Variants in CDH12 observed in about 807,000 individuals in gnomAD.
The protein encoded by CDH12 is cadherin 12, also known as cadherin-12.
CDH12 carries 41 observed loss-of-function variants against 74.1 expected under a neutral mutation model. That is an observed-to-expected ratio of 0.55 (90% CI 0.43 to 0.72). The LOEUF (loss-of-function observed/expected upper bound fraction) is 0.72, where lower values mean the gene tolerates loss of function less well. Among genes scored for constraint, CDH12 ranks in the 30% least tolerant of loss-of-function variants. CDH12 has a pLI of 0.00. For missense variants in CDH12, 945 were observed against 977.2 expected (o/e 0.97, Z 0.44); for synonymous variants, 399 against 355.0 (o/e 1.12, Z -1.39).
intron 1 of CDH12, among the ~76,000 whole-genome samples, chr5:22,622,253 G>A (rs1286456237): frequency 6.6e-6 from 1 of 152,082 alleles, no homozygotes; most frequent in Non-Finnish European, 1.5e-5. Context: ...AAGAGAACTT[G>A]AAAATGGCTG....
chr5:22,752,821 G>A (rs1745664969), intron 1 of CDH12, among the ~76,000 whole-genome samples: 2 of 151,500 alleles, frequency 1.3e-5, no homozygotes, highest in Non-Finnish European at 2.9e-5. Flanking sequence ...TGATCCGCCC[G>A]CCTCGGCCTC....
rs1172963951 is a variant in CDH12 at position 21,817,131 on chromosome 5, G to T, written c.816C>A (p.Ser272Arg). 6.2e-7 allele frequency: 1 copy of T among 1,602,268 alleles called. No homozygotes were observed. Among genetic ancestry groups the T allele is most frequent in the Non-Finnish European group, 8.5e-7 (1 of 1,172,804 alleles). Residue 272 changes from serine (S) to arginine (R), a missense_variant and splice_region_variant, in exon 9 of 15, where the codon AGC (serine) becomes AGA (arginine). Ser to Arg is a moderately radical substitution (Grantham distance 110). This residue lies in a region of CDH12 where 791 missense variants were observed against 792.8 expected (regional missense o/e 1.00). Coordinates refer to ENST00000382254, the MANE Select transcript of CDH12 (RefSeq NM_004061.5). Reference protein sequence around the residue: ...VNDNPPRFPKSIFHLKVPESS... With the variant: ...VNDNPPRFPKRIFHLKVPESS... ...ACTCAGGAACTTTCAAGTGGAAGATGCCTGATAAGACATATAAAATTTGAA... is the reference window on the plus strand; with the variant it reads ...ACTCAGGAACTTTCAAGTGGAAGATTCCTGATAAGACATATAAAATTTGAA...
chr5:22,098,080 A>G (rs139328525), intron 4 of CDH12, among the ~76,000 whole-genome samples: 3,114 of 152,162 alleles, frequency 0.02, 72 homozygotes, highest in African/African-American at 0.062. Context: ...ATTCTGTTCT[A>G]GATCTCAAAC....
chr5:22,529,509 G>C (rs938322774), intron 1 of CDH12, among the ~76,000 whole-genome samples: 5 of 152,076 alleles, frequency 3.3e-5, no homozygotes, highest in African/African-American at 1.2e-4. Flanking sequence ...CACTTACTTT[G>C]GGGAGAGTCA....
In CDH12 at chr5:22,203,321, C is replaced by T. The variant is rs934347047; in HGVS notation, c.-187+9177G>A. On this transcript the variant is annotated intron_variant, in intron 4 of 14. Transcript: ENST00000382254. ...CTATGGGATCATCTTTTTCAGATAC[C>T]GCATTTGAGTGCAATCATGAGGTAT... Among the ~76,000 whole-genome samples, 78 of 152,190 alleles carry T rather than the reference C, an allele frequency of 5.1e-4. 1 individual carries two copies. Among genetic ancestry groups the T allele is most frequent in the Admixed American group, 1.9e-3 (29 of 15,284 alleles).
At chr5:22,799,887 T>G (rs1193870214) in intron 1 of CDH12, among the ~76,000 whole-genome samples, 1 of 152,172 alleles carries the variant, frequency 6.6e-6, no homozygotes, top group Non-Finnish European at 1.5e-5. Context: ...GGAAAATTAG[T>G]AAAAATTATA....
intron 6 of CDH12, among the ~76,000 whole-genome samples, chr5:21,909,457 A>G (rs577920194): frequency 1.1e-4 from 16 of 152,250 alleles, no homozygotes; most frequent in African/African-American, 3.1e-4. Context: ...AAAATTTTGC[A>G]TTGTTCATTA....
chr5:22,559,604 A>C (rs1468588297), intron 1 of CDH12, among the ~76,000 whole-genome samples: 1 of 152,100 alleles, frequency 6.6e-6, no homozygotes, highest in Non-Finnish European at 1.5e-5. Flanking sequence ...GTTACTTTTT[A>C]TCTCTTTTTA....
intron 4 of CDH12, among the ~76,000 whole-genome samples, chr5:22,090,406 A>C (rs182268757): frequency 2.6e-5 from 4 of 151,884 alleles, no homozygotes; most frequent in Admixed American, 6.6e-5. Flanking sequence ...CTTCCCACCA[A>C]GAAAATTTCA....
intron 4 of CDH12, among the ~76,000 whole-genome samples, chr5:22,201,019 G>T (rs1203713996): frequency 6.6e-6 from 1 of 152,166 alleles, no homozygotes. Flanking sequence ...TGTATGAAAT[G>T]TATCTTGAGT....
intron 3 of CDH12, among the ~76,000 whole-genome samples, chr5:22,232,456 T>C (rs1188883223): frequency 2.6e-5 from 4 of 151,944 alleles, no homozygotes; most frequent in Non-Finnish European, 5.9e-5. Flanking sequence ...TAAATGATTG[T>C]ATTTCTTACT....
chr5:22,429,882 A>G (rs1186141487), intron 2 of CDH12, among the ~76,000 whole-genome samples: 2 of 152,202 alleles, frequency 1.3e-5, no homozygotes, highest in Non-Finnish European at 2.9e-5. Context: ...TCAAAGTCAT[A>G]GCATCTTTGA....
chr5:22,335,629 T>A (rs531066396), intron 3 of CDH12, among the ~76,000 whole-genome samples: 1 of 151,210 alleles, frequency 6.6e-6, no homozygotes, highest in Non-Finnish European at 1.5e-5. Flanking sequence ...GGAGTTTCCC[T>A]GCACAATCTC....
In CDH12 at chr5:22,739,317, C is replaced by T. The variant is rs796522093; in HGVS notation, c.-523+113741G>A. Among the ~76,000 whole-genome samples the T allele has an allele frequency of 2.9e-3, 218 of 74,920 alleles. 1 individual carries two copies. Among genetic ancestry groups the T allele is most frequent in the East Asian group, 9.5e-3 (25 of 2,630 alleles). The allele number at this position is 74,920 out of a possible 152,430, so 49.2% of individuals were successfully genotyped here. On this transcript the variant is annotated intron_variant, in intron 1 of 14. Coordinates refer to ENST00000382254, the MANE Select transcript of CDH12 (RefSeq NM_004061.5). ...AACATTTTTGAATTTAAAAATTTTACTTTTTTTTACTTACATTAAAGAAAA... is the reference window on the plus strand; with the variant it reads ...AACATTTTTGAATTTAAAAATTTTATTTTTTTTTACTTACATTAAAGAAAA...
At chr5:22,844,360 A>G (rs1737209588) in intron 1 of CDH12, among the ~76,000 whole-genome samples, 1 of 152,078 alleles carries the variant, frequency 6.6e-6, no homozygotes, top group African/African-American at 2.4e-5. Context: ...TCCAAATCAA[A>G]CAGCTTCATG....
chr5:22,200,377 G>A (rs1208422747), intron 4 of CDH12, among the ~76,000 whole-genome samples: 1 of 152,062 alleles, frequency 6.6e-6, no homozygotes, highest in African/African-American at 2.4e-5. Context: ...CTATAAGAGT[G>A]GTGCTTTTGA....
At chr5:21,939,751 A>G (rs1275945710) in intron 6 of CDH12, among the ~76,000 whole-genome samples, 5 of 152,342 alleles carry the variant, frequency 3.3e-5, no homozygotes, top group Admixed American at 1.3e-4. Context: ...AAACCTGAAT[A>G]GGTATTCAAC....
intron 2 of CDH12, among the ~76,000 whole-genome samples, chr5:22,470,396 T>TTTTTATTTTATTTTATTTTATTTTA (rs1318185392): frequency 6.7e-6 from 1 of 148,260 alleles, no homozygotes; most frequent in African/African-American, 2.5e-5. Context: ...GTTACAATTA[T>TTTTTATTTTATTTTATTTTATTTTA]TTTTATTTTA....
chr5:22,553,745 A>G (rs1738678034), intron 1 of CDH12, among the ~76,000 whole-genome samples: 1 of 152,258 alleles, frequency 6.6e-6, no homozygotes. Context: ...GACACCAGGG[A>G]CCAGTTTCAC....
Sources: gnomAD v4.1 joint callset for allele counts (sites outside exome capture counted in the v4.1 genomes callset) on GRCh38, gnomAD v4.1.1 for gene constraint, gnomAD v4.1.1 regional missense constraint, MANE v1.5 for transcripts, NCBI Gene and HGNC (gene_info 2026-07-23, HGNC 2026-07-21) for gene names.